The following RAP1A variants were observed in gnomAD, a reference collection of about 807,000 sequenced individuals.
RAP1A encodes RAP1A, member of RAS oncogene family.
In RAP1A, 6 loss-of-function variants were observed where a neutral mutation model predicts 26.4. The ratio of observed to expected loss-of-function variants is 0.23; its 90% CI spans 0.12 to 0.45. The LOEUF (loss-of-function observed/expected upper bound fraction) is 0.45, where lower values mean the gene tolerates loss of function less well. Ranked by LOEUF, RAP1A falls within the 20% of genes least tolerant of loss-of-function variation. The pLI is 0.99. For synonymous variants in RAP1A, 73 were observed against 79.4 expected (o/e 0.92, Z 0.43); for missense variants, 121 against 217.2 (o/e 0.56, Z 2.78).
At chr1:111,613,569 G>A (rs1391972731) in intron 1 of RAP1A, among the ~76,000 whole-genome samples, 1 of 152,206 alleles carries the variant, frequency 6.6e-6, no homozygotes, top group Non-Finnish European at 1.5e-5. Context: ...AAGAGGAGAA[G>A]TTGGGCAGTA....
At chr1:111,625,432 C>CT (rs773198012) in intron 1 of RAP1A, among the ~76,000 whole-genome samples, 88 of 151,972 alleles carry the variant, frequency 5.8e-4, no homozygotes, top group Non-Finnish European at 1.1e-3. Context: ...TTATATGACT[C>CT]TAAGTTAGTA....
intron 1 of RAP1A, among the ~76,000 whole-genome samples, chr1:111,614,715 A>AGTTACT (rs2101082073): frequency 6.6e-6 from 1 of 152,300 alleles, no homozygotes; most frequent in African/African-American, 2.4e-5. Context: ...TTACTGTTAG[A>AGTTACT]GTTAGACAGG....
intron 1 of RAP1A, chr1:111,648,630 GC>G: frequency 1.9e-6 from 1 of 520,982 alleles, no homozygotes. Context: ...CTACAAACTG[GC>G]CTTCACATTT....
intron 1 of RAP1A, among the ~76,000 whole-genome samples, chr1:111,669,015 C>A (rs1465854170): frequency 7.6e-6 from 1 of 131,070 alleles, no homozygotes; most frequent in Non-Finnish European, 1.6e-5. Context: ...CAGAATGAGA[C>A]CCTATCTCAA....
intron 1 of RAP1A, among the ~76,000 whole-genome samples, chr1:111,668,410 A>G (rs12141323): frequency 0.063 from 9,633 of 152,286 alleles, 331 homozygotes; most frequent in Non-Finnish European, 0.069. Context: ...AAAATATAAG[A>G]ATGATGGGAT....
intron 1 of RAP1A, among the ~76,000 whole-genome samples, chr1:111,662,388 C>G (rs887979040): frequency 4.7e-5 from 5 of 105,788 alleles, no homozygotes; most frequent in Non-Finnish European, 7.6e-5. Flanking sequence ...GAGCGAGACT[C>G]CATCTCAAAA....
intron 1 of RAP1A, among the ~76,000 whole-genome samples, chr1:111,544,837 T>C (rs959356562): frequency 2.3e-5 from 2 of 87,578 alleles, no homozygotes; most frequent in Non-Finnish European, 4.7e-5. Flanking sequence ...TATATCCAAT[T>C]TGGTACATAC....
Position 111,714,930 on chromosome 1 carries a change from A to C in RAP1A, c.*2529A>C, listed in dbSNP as rs1469420512. 1 of 152,224 alleles carries C rather than the reference A, an allele frequency of 6.6e-6. No individual in the cohort carries two copies. The highest frequency in any genetic ancestry group is 1.5e-5 in the Non-Finnish European group (1 of 68,032). 9.4% of individuals were successfully genotyped at this position (152,224 alleles called of 1,614,324 possible). Reference sequence around the variant, plus strand: ...TGACTTTGGTTTGGTTATATGAGTGACACAGAATTTAAGGAGGCTTCATGC... The same window carrying C: ...TGACTTTGGTTTGGTTATATGAGTGCCACAGAATTTAAGGAGGCTTCATGC... On this transcript the variant is annotated 3_prime_UTR_variant, in exon 8 of 8. Transcript: ENST00000369709.
intron 1 of RAP1A, among the ~76,000 whole-genome samples, chr1:111,670,298 C>T (rs920311596): frequency 1.3e-5 from 2 of 151,898 alleles, no homozygotes; most frequent in East Asian, 3.9e-4. Context: ...ATGGCGAAAC[C>T]CTGTCTCTAC....
chr1:111,630,575 A>C (rs755562562), intron 1 of RAP1A, among the ~76,000 whole-genome samples: 10 of 152,234 alleles, frequency 6.6e-5, no homozygotes, highest in Non-Finnish European at 1.0e-4. Flanking sequence ...AGATGAAATG[A>C]TAGAGAATGA....
At chr1:111,561,999 C>T (rs1405924959) in intron 1 of RAP1A, among the ~76,000 whole-genome samples, 1 of 152,092 alleles carries the variant, frequency 6.6e-6, no homozygotes, top group Non-Finnish European at 1.5e-5. Context: ...CGATAGAATT[C>T]AAACCCTCCA....
Position 111,713,090 on chromosome 1 carries a change from A to G in RAP1A, c.*689A>G, listed in dbSNP as rs941960066. 2 of 152,634 alleles carry G rather than the reference A, an allele frequency of 1.3e-5. No individual in the cohort carries two copies. Among genetic ancestry groups the G allele is most frequent in the Admixed American group, 1.3e-4 (2 of 15,288 alleles). The allele number at this position is 152,634 out of a possible 1,614,324, so 9.5% of individuals were successfully genotyped here. On this transcript the variant is annotated 3_prime_UTR_variant, in exon 8 of 8. Transcript: ENST00000369709. ...TCAGATTAAATTACAGCTTTTATGG[A>G]TGATTAAATTTTAGTACATTTTCAT...
intron 4 of RAP1A, among the ~76,000 whole-genome samples, chr1:111,698,287 G>T (rs2985632): frequency 0.99 from 151,037 of 152,282 alleles, 74,904 homozygotes; most frequent in East Asian, 1. Flanking sequence ...TTTTTGTTTT[G>T]CTTAAGAGAC....
chr1:111,589,873 C>T (rs760986996), intron 1 of RAP1A, among the ~76,000 whole-genome samples: 3 of 152,096 alleles, frequency 2.0e-5, no homozygotes, highest in Admixed American at 6.6e-5. Flanking sequence ...GATCCTTCCA[C>T]CTCAGCCTCC....
intron 1 of RAP1A, among the ~76,000 whole-genome samples, chr1:111,643,423 A>C (rs1659955421): frequency 6.6e-6 from 1 of 152,108 alleles, no homozygotes; most frequent in South Asian, 2.1e-4. Context: ...ACATTGGGAT[A>C]CTCTAGAAAG....
At chr1:111,702,829 G>A (rs922468278) in intron 4 of RAP1A, among the ~76,000 whole-genome samples, 1 of 152,134 alleles carries the variant, frequency 6.6e-6, no homozygotes, top group Non-Finnish European at 1.5e-5. Flanking sequence ...CAAAGTGTTG[G>A]TATTACAGGT....
chr1:111,591,356 C>T (rs1429576486), intron 1 of RAP1A, among the ~76,000 whole-genome samples: 1 of 151,942 alleles, frequency 6.6e-6, no homozygotes, highest in Non-Finnish European at 1.5e-5. Context: ...TACTTCCTTC[C>T]ATTTACTTTC....
intron 1 of RAP1A, among the ~76,000 whole-genome samples, chr1:111,603,740 A>G (rs1658715231): frequency 6.6e-6 from 1 of 152,206 alleles, no homozygotes; most frequent in South Asian, 2.1e-4. Context: ...CTTTTAGATT[A>G]TTTTTCATAC....
rs568411430 is a variant in RAP1A at position 111,563,069 on chromosome 1, G to A, written c.-28+20560G>A. Reference sequence around the variant, plus strand: ...CTAAGGCTTAAAGAGAGTAAGCAGCGTACTCAAAGTCCTACACAGCTAGTA... The same window carrying A: ...CTAAGGCTTAAAGAGAGTAAGCAGCATACTCAAAGTCCTACACAGCTAGTA... On this transcript the variant is annotated intron_variant, in intron 1 of 7. Transcript: ENST00000356415. 3.4e-4 allele frequency among the ~76,000 whole-genome samples: 52 copies of A among 152,248 alleles called. No individual in the cohort carries two copies. In the South Asian group the frequency reaches 8.3e-3, roughly 24 times the overall value.
Sources: gnomAD v4.1 joint callset for allele counts (sites outside exome capture counted in the v4.1 genomes callset) on GRCh38, gnomAD v4.1.1 for gene constraint, MANE v1.5 for transcripts, NCBI Gene and HGNC (gene_info 2026-07-23, HGNC 2026-07-21) for gene names.